Variants in LCOR observed in about 807,000 individuals in gnomAD.
LCOR encodes ligand-dependent corepressor.
In LCOR, 14 loss-of-function variants were observed where a neutral mutation model predicts 64.4. That is an observed-to-expected ratio of 0.22 (90% CI 0.14 to 0.34). The LOEUF (loss-of-function observed/expected upper bound fraction) is 0.34. Ranked by LOEUF, LCOR falls within the 10% of genes least tolerant of loss-of-function variation. LCOR has a pLI of 1.00. For synonymous variants in LCOR, 643 were observed against 642.5 expected, an observed-to-expected ratio of 1.00 and a Z score of -0.01; for missense variants, 1,686 against 1,765.3, an observed-to-expected ratio of 0.96 and a Z score of 0.80.
At position 96,989,696 on chromosome 10, in the gene LCOR, T is replaced by TATATATATATATATATATATATA. The variant is rs1491204310; in HGVS notation, c.*4562_*4563insATATATATATATATATATATATA. 1 of 64,618 alleles carries TATATATATATATATATATATATA rather than the reference T, an allele frequency of 1.5e-5. No homozygotes were observed. The highest frequency in any genetic ancestry group is 1.1e-4 in the African/African-American group (1 of 9,052). The allele number at this position is 64,618 out of a possible 1,614,324, so 4.0% of individuals were successfully genotyped here. ...AAGGATATATATATATATATATATA[T>TATATATATATATATATATATATA]TTTTTTTTTTTTTTTTTTTTTTTAA... On this transcript the variant is annotated 3_prime_UTR_variant, in exon 8 of 8. Transcript: ENST00000421806.
Position 96,990,167 on chromosome 10 carries a change from C to T in LCOR, c.*5033C>T, listed in dbSNP as rs1269172600. ...GAGCAGAATTGTGGGAGGGCCTTCC[C>T]CTCCCCCTGCCCAGCCCCCAGACAG... On this transcript the variant is annotated 3_prime_UTR_variant, in exon 8 of 8. Transcript: ENST00000421806. 1 of 152,066 alleles carries T rather than the reference C, an allele frequency of 6.6e-6. No homozygotes were observed. The highest frequency in any genetic ancestry group is 1.5e-5 in the Non-Finnish European group (1 of 68,018). The allele number at this position is 152,066 out of a possible 1,614,324, so 9.4% of individuals were successfully genotyped here.
chr10:96,865,115 A>G (rs193176472), intron 2 of LCOR, among the ~76,000 whole-genome samples: 2 of 152,298 alleles, frequency 1.3e-5, no homozygotes, highest in Non-Finnish European at 2.9e-5. Flanking sequence ...ATATCAACGT[A>G]TATTTTCAGA....
intron 7 of LCOR, among the ~76,000 whole-genome samples, chr10:96,975,241 A>G (rs1483603195): frequency 6.6e-6 from 1 of 152,228 alleles, no homozygotes; most frequent in Non-Finnish European, 1.5e-5. Context: ...AGGAAGCTGG[A>G]TAACTTTGAG....
chr10:96,833,806 T>C (rs1360164161), intron 2 of LCOR, among the ~76,000 whole-genome samples: 1 of 152,254 alleles, frequency 6.6e-6, no homozygotes, highest in Non-Finnish European at 1.5e-5. Flanking sequence ...ATGCAAATCC[T>C]GCTTTCTGGT....
At chr10:96,927,848 C>T (rs980532484) in intron 4 of LCOR, among the ~76,000 whole-genome samples, 8 of 152,208 alleles carry the variant, frequency 5.3e-5, no homozygotes, top group South Asian at 2.1e-4. Context: ...CATAATAAAG[C>T]GAATGTCACA....
At position 96,983,322 on chromosome 10, in the gene LCOR, G is replaced by T; in HGVS notation, c.2862G>T (p.Met954Ile). The T allele has an allele frequency of 1.2e-6, 2 of 1,614,204 alleles. No homozygotes were observed. Among genetic ancestry groups the T allele is most frequent in the Non-Finnish European group, 1.7e-6 (2 of 1,180,026 alleles). Reference protein sequence around the residue: ...ERLEIYVQSKMDEKNAHIPSE... With the variant: ...ERLEIYVQSKIDEKNAHIPSE... ...TGGAAATCTATGTTCAGTCTAAAAT[G>T]GATGAGAAGAATGCTCATATCCCCT... Residue 954 changes from methionine (M) to isoleucine (I), a missense_variant, in exon 8 of 8, where the codon ATG (methionine) becomes ATT (isoleucine). This residue lies in a region of LCOR where 1,293 missense variants were observed against 1,410.4 expected (regional missense o/e 0.92). Transcript: ENST00000421806. The surrounding 1 kb of genome is among the most constrained non-coding windows in gnomAD (Gnocchi z 4.5).
chr10:96,920,629 T>C, intron 4 of LCOR, among the ~76,000 whole-genome samples: 1 of 146,272 alleles, frequency 6.8e-6, no homozygotes, highest in South Asian at 2.1e-4. Flanking sequence ...TATATGTATG[T>C]ACATTCATAT....
chr10:96,925,007 C>T (rs1847142993), intron 4 of LCOR, among the ~76,000 whole-genome samples: 1 of 151,798 alleles, frequency 6.6e-6, no homozygotes. Flanking sequence ...ACTCTTTAGT[C>T]TCCTTTAGTC....
chr10:96,953,680 T>C (rs1420679198), intron 7 of LCOR, among the ~76,000 whole-genome samples: 2 of 152,252 alleles, frequency 1.3e-5, no homozygotes, highest in Non-Finnish European at 2.9e-5. Context: ...ACCAGGTTCA[T>C]GTATTATATG....
chr10:96,915,795 G>A, intron 4 of LCOR: 1 of 597,460 alleles, frequency 1.7e-6, no homozygotes, highest in Non-Finnish European at 3.2e-6. Context: ...TTGGGCTCTG[G>A]CTTTGGAGGA....
At chr10:96,911,646 G>A (rs1216245959) in intron 4 of LCOR, among the ~76,000 whole-genome samples, 6 of 152,164 alleles carry the variant, frequency 3.9e-5, no homozygotes, top group Admixed American at 3.3e-4. Context: ...AAATTTCTCA[G>A]TTGGAAAGAG....
intron 2 of LCOR, among the ~76,000 whole-genome samples, chr10:96,900,496 AC>A (rs2134444964): frequency 6.6e-6 from 1 of 152,262 alleles, no homozygotes; most frequent in Admixed American, 6.5e-5. Context: ...ATAGAGAAGA[AC>A]AAAAAAGTCA....
At chr10:96,921,800 C>T (rs988072454) in intron 4 of LCOR, among the ~76,000 whole-genome samples, 2 of 152,314 alleles carry the variant, frequency 1.3e-5, no homozygotes, top group Middle Eastern at 3.4e-3. Context: ...CCACATTTCC[C>T]AACACCAGTT....
At chr10:96,891,764 G>A (rs1030298296) in intron 2 of LCOR, among the ~76,000 whole-genome samples, 2 of 151,724 alleles carry the variant, frequency 1.3e-5, no homozygotes, top group Non-Finnish European at 2.9e-5. Context: ...GGCTAGTTGC[G>A]AACGCCTGAC....
At chr10:96,935,744 G>A (rs1847339901) in intron 4 of LCOR, among the ~76,000 whole-genome samples, 1 of 152,212 alleles carries the variant, frequency 6.6e-6, no homozygotes, top group African/African-American at 2.4e-5. Flanking sequence ...TGAGGCAGGA[G>A]GATGGCCTTA....
At chr10:96,844,073 A>AACCT (rs1328154197) in intron 2 of LCOR, among the ~76,000 whole-genome samples, 1 of 149,218 alleles carries the variant, frequency 6.7e-6, no homozygotes, top group Non-Finnish European at 1.5e-5. Flanking sequence ...TATGCTCTTT[A>AACCT]ACCTACCTAC....
intron 2 of LCOR, among the ~76,000 whole-genome samples, chr10:96,839,605 A>G (rs1845504310): frequency 1.3e-5 from 2 of 152,146 alleles, no homozygotes; most frequent in Non-Finnish European, 2.9e-5. Context: ...CACTAGCAGT[A>G]TTTTTGAAAT....
intron 2 of LCOR, among the ~76,000 whole-genome samples, chr10:96,899,674 T>C (rs1010553530): frequency 6.6e-6 from 1 of 152,094 alleles, no homozygotes; most frequent in African/African-American, 2.4e-5. Flanking sequence ...AAACCTTAGA[T>C]ACTTAAATAA....
chr10:96,945,700 C>G (rs918944308), intron 5 of LCOR, among the ~76,000 whole-genome samples: 3 of 152,162 alleles, frequency 2.0e-5, no homozygotes, highest in African/African-American at 7.2e-5. Flanking sequence ...AGGATGTACA[C>G]AGAGTCATTG....
Sources: allele counts gnomAD v4.1 joint callset (sites outside exome capture counted in the v4.1 genomes callset), GRCh38; gene constraint gnomAD v4.1.1; regional missense constraint gnomAD v4.1.1; non-coding constraint Gnocchi (gnomAD v3.1); transcripts MANE v1.5; gene names NCBI Gene and HGNC (gene_info 2026-07-23, HGNC 2026-07-21).